Variants in SHISA9 observed in about 807,000 individuals in gnomAD.
SHISA9 encodes the protein protein shisa-9.
In SHISA9, 13 loss-of-function variants were observed where a neutral mutation model predicts 38.0. That is an observed-to-expected ratio of 0.34 (90% confidence interval 0.22 to 0.54). The LOEUF is 0.54. Ranked by LOEUF, SHISA9 falls within the 20% of genes least tolerant of loss-of-function variation. The pLI, the probability that SHISA9 is intolerant of heterozygous loss-of-function variation, is 0.91. For missense variants in SHISA9, 538 were observed against 575.8 expected, an observed-to-expected ratio of 0.93 and a Z score of 0.67; for synonymous variants, 275 against 242.0, an observed-to-expected ratio of 1.14 and a Z score of -1.27.
intron 2 of SHISA9, among the ~76,000 whole-genome samples, chr16:12,932,387 G>C (rs2071473036): frequency 6.6e-6 from 1 of 152,122 alleles, no homozygotes; most frequent in Non-Finnish European, 1.5e-5. Context: ...TGTCACCCAG[G>C]CTGGAGTGCA....
chr16:13,132,007 T>C (rs1351423716), intron 2 of SHISA9, among the ~76,000 whole-genome samples: 1 of 152,224 alleles, frequency 6.6e-6, no homozygotes, highest in Non-Finnish European at 1.5e-5. Context: ...CAAAAACCTA[T>C]ACAAGTGCAA....
At chr16:13,385,018 A>G in the SHISA9 span, among the ~76,000 whole-genome samples, 2 of 152,238 alleles carry the variant, frequency 1.3e-5, no homozygotes, top group African/African-American at 2.4e-5. Context: ...AGCAAAAGAC[A>G]GGAAGAGACA....
the SHISA9 span, among the ~76,000 whole-genome samples, chr16:13,441,151 C>T: frequency 1.3e-5 from 2 of 152,166 alleles, no homozygotes. Context: ...TACACGCAAA[C>T]TGTGCTTAGA....
At chr16:13,330,664 T>C in the SHISA9 span, among the ~76,000 whole-genome samples, 1 of 152,362 alleles carries the variant, frequency 6.6e-6, no homozygotes, top group Non-Finnish European at 1.5e-5. Context: ...TCTGTCTTGA[T>C]ATTCTAATGG....
the SHISA9 span, chr16:13,332,470 C>G: frequency 1.3e-5 from 2 of 152,332 alleles, no homozygotes; most frequent in Admixed American, 6.5e-5. Context: ...GAGATCGTCA[C>G]TGGGAAATGA....
chr16:13,186,410 G>A (rs553396467), intron 2 of SHISA9, among the ~76,000 whole-genome samples: 359 of 144,544 alleles, frequency 2.5e-3, no homozygotes, highest in Non-Finnish European at 3.7e-3. Flanking sequence ...CAATTCTCCT[G>A]CCTCAGCCTC....
At chr16:13,428,854 C>A in the SHISA9 span, among the ~76,000 whole-genome samples, 1 of 151,970 alleles carries the variant, frequency 6.6e-6, no homozygotes, top group African/African-American at 2.4e-5. Flanking sequence ...CAACCTCCGC[C>A]TCCCAGGTTC....
the SHISA9 span, among the ~76,000 whole-genome samples, chr16:13,272,198 A>G: frequency 6.6e-6 from 1 of 152,302 alleles, no homozygotes; most frequent in Admixed American, 6.5e-5. Context: ...ACTTTTCATA[A>G]TATGTAAAAT....
chr16:13,061,021 G>A (rs4465599), intron 2 of SHISA9, among the ~76,000 whole-genome samples: 105,139 of 151,998 alleles, frequency 0.69, 36,753 homozygotes, highest in Middle Eastern at 0.83. Flanking sequence ...TATGGGGATC[G>A]GGGACCTTGT....
the SHISA9 span, among the ~76,000 whole-genome samples, chr16:13,431,389 A>T: frequency 1.3e-5 from 2 of 152,200 alleles, no homozygotes; most frequent in African/African-American, 4.8e-5. Flanking sequence ...TTACCTATAA[A>T]CTTCCAGTTA....
the SHISA9 span, among the ~76,000 whole-genome samples, chr16:13,529,785 A>G: frequency 5.9e-5 from 9 of 152,276 alleles, no homozygotes; most frequent in South Asian, 1.0e-3. Flanking sequence ...TCTTCCTCAT[A>G]GAAGTATGAT....
chr16:12,965,388 T>C (rs1389187204), intron 2 of SHISA9, among the ~76,000 whole-genome samples: 1 of 152,224 alleles, frequency 6.6e-6, no homozygotes, highest in Non-Finnish European at 1.5e-5. Context: ...ACTGTATTTG[T>C]TGGCAGTCAT....
intron 2 of SHISA9, among the ~76,000 whole-genome samples, chr16:13,105,284 G>A (rs1351908052): frequency 6.6e-6 from 1 of 152,162 alleles, no homozygotes; most frequent in Non-Finnish European, 1.5e-5. Flanking sequence ...AATATGTGGT[G>A]CATCTGTGGA....
chr16:13,335,194 C>A, the SHISA9 span, among the ~76,000 whole-genome samples: 6 of 152,168 alleles, frequency 3.9e-5, no homozygotes, highest in Non-Finnish European at 8.8e-5. Flanking sequence ...TATCTTCAGG[C>A]CTAGTCAGAC....
At chr16:13,367,739 CACACACACA>C in the SHISA9 span, among the ~76,000 whole-genome samples, 3 of 147,946 alleles carry the variant, frequency 2.0e-5, no homozygotes, top group African/African-American at 7.7e-5. Flanking sequence ...CACACACACA[CACACACACA>C]CCCCTGAATT....
intron 1 of SHISA9, chr16:12,908,494 G>C (rs1490949053): frequency 3.9e-6 from 6 of 1,552,230 alleles, no homozygotes; most frequent in Non-Finnish European, 5.2e-6. Flanking sequence ...ATGACAATCT[G>C]CTGTTTATGG....
At chr16:13,499,793 A>G in the SHISA9 span, among the ~76,000 whole-genome samples, 1 of 152,148 alleles carries the variant, frequency 6.6e-6, no homozygotes, top group Non-Finnish European at 1.5e-5. Context: ...ATTCAGCACA[A>G]TTTCTCTGAG....
intron 2 of SHISA9, among the ~76,000 whole-genome samples, chr16:13,173,149 G>A (rs1404157794): frequency 6.3e-5 from 5 of 79,780 alleles, no homozygotes; most frequent in Non-Finnish European, 1.1e-4. Flanking sequence ...AGAGATGCAC[G>A]TGCGCACACA....
chr16:13,240,573 T>G (rs2051427318), downstream of SHISA9, among the ~76,000 whole-genome samples: 1 of 152,210 alleles, frequency 6.6e-6, no homozygotes, highest in East Asian at 1.9e-4. Flanking sequence ...AACAGCAACA[T>G]ATACACATTT....
Sources: gnomAD v4.1 joint callset for allele counts (sites outside exome capture counted in the v4.1 genomes callset) on GRCh38, gnomAD v4.1.1 for gene constraint, MANE v1.5 for transcripts, NCBI Gene and HGNC (gene_info 2026-07-23, HGNC 2026-07-21) for gene names.